The following PGCKA1 variants were observed in gnomAD, a reference collection of about 807,000 sequenced individuals.
PGCKA1 encodes the protein PDCD10 and GCKIII kinases-associated protein 1.
the PGCKA1 span, among the ~76,000 whole-genome samples, chr4:37,470,000 A>T: frequency 6.6e-6 from 1 of 152,242 alleles, no homozygotes; most frequent in African/African-American, 2.4e-5. Flanking sequence ...ATGCATAAAC[A>T]TTGGGACATT....
the PGCKA1 span, among the ~76,000 whole-genome samples, chr4:37,458,297 A>G: frequency 6.6e-6 from 1 of 152,230 alleles, no homozygotes; most frequent in African/African-American, 2.4e-5. Flanking sequence ...CTCATTCTAT[A>G]TTAAGTATAA....
the PGCKA1 span, among the ~76,000 whole-genome samples, chr4:37,569,550 C>T: frequency 5.5e-3 from 831 of 152,202 alleles, 4 homozygotes; most frequent in African/African-American, 0.018. Flanking sequence ...TGGCTAAGTT[C>T]ACCCAAACAC....
the PGCKA1 span, among the ~76,000 whole-genome samples, chr4:37,592,208 CAAAAA>C: frequency 7.5e-5 from 7 of 93,380 alleles, no homozygotes; most frequent in Non-Finnish European, 2.0e-5. Context: ...GACTCCATCT[CAAAAA>C]AAAAAAAAAA....
chr4:37,580,531 AG>A, the PGCKA1 span, among the ~76,000 whole-genome samples: 1 of 152,184 alleles, frequency 6.6e-6, no homozygotes, highest in Non-Finnish European at 1.5e-5. Context: ...AGACTCATAG[AG>A]GTATCACCTT....
chr4:37,460,468 T>C, the PGCKA1 span: 1 of 417,522 alleles, frequency 2.4e-6, no homozygotes, highest in Admixed American at 2.7e-5. Flanking sequence ...TGTTAAAGTG[T>C]TCCTATTTCT....
At chr4:37,570,892 C>T in the PGCKA1 span, among the ~76,000 whole-genome samples, 1 of 152,216 alleles carries the variant, frequency 6.6e-6, no homozygotes, top group Non-Finnish European at 1.5e-5. Flanking sequence ...GAACAACAGT[C>T]TCTCCCATTT....
chr4:37,579,728 T>G, the PGCKA1 span, among the ~76,000 whole-genome samples: 3 of 152,210 alleles, frequency 2.0e-5, no homozygotes, highest in African/African-American at 7.2e-5. Flanking sequence ...CTTTGGGAGT[T>G]TGATTACTAA....
At chr4:37,472,264 A>G in the PGCKA1 span, among the ~76,000 whole-genome samples, 31 of 152,294 alleles carry the variant, frequency 2.0e-4, no homozygotes, top group Admixed American at 3.9e-4. Context: ...CTCAGAGGAT[A>G]AGGTGTTCCT....
chr4:37,467,369 C>T, the PGCKA1 span, among the ~76,000 whole-genome samples: 61 of 152,266 alleles, frequency 4.0e-4, no homozygotes, highest in Middle Eastern at 3.4e-3. Context: ...TTTCTGTACT[C>T]GAGTTTTTGC....
the PGCKA1 span, among the ~76,000 whole-genome samples, chr4:37,556,816 G>C: frequency 1.2e-3 from 176 of 152,232 alleles, 1 homozygote; most frequent in African/African-American, 4.0e-3. Context: ...GTTTCTCATG[G>C]CTTCCTTATC....
At chr4:37,519,406 A>G in the PGCKA1 span, among the ~76,000 whole-genome samples, 1 of 152,042 alleles carries the variant, frequency 6.6e-6, no homozygotes, top group African/African-American at 2.4e-5. Context: ...AATATGGAAT[A>G]TCTTTCCTTT....
chr4:37,590,469 A>G, the PGCKA1 span: 2 of 1,610,868 alleles, frequency 1.2e-6, no homozygotes, highest in African/African-American at 2.7e-5. Flanking sequence ...CCTTCCTGGA[A>G]GGAGGGGGCA....
chr4:37,494,427 A>G, the PGCKA1 span, among the ~76,000 whole-genome samples: 1 of 152,188 alleles, frequency 6.6e-6, no homozygotes, highest in African/African-American at 2.4e-5. Flanking sequence ...GATGCCCTCC[A>G]GCTCCATGAT....
the PGCKA1 span, among the ~76,000 whole-genome samples, chr4:37,518,535 C>T: frequency 1.3e-5 from 2 of 152,172 alleles, no homozygotes; most frequent in Non-Finnish European, 2.9e-5. Flanking sequence ...ATGTTAAGCA[C>T]CTCTTCATAT....
chr4:37,569,460 A>T, the PGCKA1 span, among the ~76,000 whole-genome samples: 1 of 151,996 alleles, frequency 6.6e-6, no homozygotes, highest in African/African-American at 2.4e-5. Context: ...CGGCCTCCCA[A>T]AGCGCTGGGG....
At chr4:37,567,479 C>T in the PGCKA1 span, among the ~76,000 whole-genome samples, 24 of 152,284 alleles carry the variant, frequency 1.6e-4, no homozygotes, top group African/African-American at 4.6e-4. Context: ...CTGAAACTCA[C>T]GGAGGGGAAG....
At chr4:37,522,762 T>C in the PGCKA1 span, among the ~76,000 whole-genome samples, 1 of 152,002 alleles carries the variant, frequency 6.6e-6, no homozygotes, top group Admixed American at 6.6e-5. Flanking sequence ...CTGGGATGTC[T>C]CTAGAAATGT....
chr4:37,520,442 T>C, the PGCKA1 span, among the ~76,000 whole-genome samples: 1,879 of 152,294 alleles, frequency 0.012, 27 homozygotes, highest in African/African-American at 0.042. Flanking sequence ...TTACTTGTTA[T>C]TGTTCTGTTC....
At chr4:37,513,616 C>G in the PGCKA1 span, among the ~76,000 whole-genome samples, 1 of 152,128 alleles carries the variant, frequency 6.6e-6, no homozygotes, top group Non-Finnish European at 1.5e-5. Context: ...GGGTGTTAGG[C>G]CGTGGGTGTT....
Sources: gnomAD v4.1 joint callset for allele counts (sites outside exome capture counted in the v4.1 genomes callset) on GRCh38, gnomAD v4.1.1 for gene constraint, MANE v1.5 for transcripts, NCBI Gene and HGNC (gene_info 2026-07-23, HGNC 2026-07-21) for gene names.